Variants in CHRNA7 observed in about 807,000 individuals in gnomAD.
The protein encoded by CHRNA7 is cholinergic receptor nicotinic alpha 7 subunit.
In CHRNA7, 17 loss-of-function variants were observed where a neutral mutation model predicts 48.0. The observed-to-expected ratio is 0.35, with a 90% CI of 0.24 to 0.53. CHRNA7 has a LOEUF of 0.53. Ranked by LOEUF, CHRNA7 falls within the 20% of genes least tolerant of loss-of-function variation. The pLI is 0.92. For missense variants in CHRNA7, 155 were observed against 577.7 expected (o/e 0.27, Z 7.50); for synonymous variants, 75 against 242.3 (o/e 0.31, Z 6.41).
intron 2 of CHRNA7, among the ~76,000 whole-genome samples, chr15:32,094,915 T>C (rs2141250789): frequency 6.6e-6 from 1 of 152,352 alleles, no homozygotes; most frequent in Non-Finnish European, 1.5e-5. Context: ...CCCAAAGTGC[T>C]GGAATTACAG....
intron 2 of CHRNA7, among the ~76,000 whole-genome samples, chr15:32,086,097 C>T (rs941001901): frequency 3.3e-5 from 5 of 152,056 alleles, no homozygotes; most frequent in African/African-American, 9.7e-5. Context: ...TGGCCAGGCA[C>T]GGTGGCTCAC....
chr15:32,094,396 A>G (rs557485422), intron 2 of CHRNA7, among the ~76,000 whole-genome samples: 69 of 152,350 alleles, frequency 4.5e-4, no homozygotes, highest in African/African-American at 1.6e-3. Flanking sequence ...AGATGAGCCA[A>G]TAAAATAACA....
At chr15:32,089,009 G>A (rs78754995) in intron 2 of CHRNA7, among the ~76,000 whole-genome samples, 3,036 of 152,150 alleles carry the variant, frequency 0.02, 99 homozygotes, top group African/African-American at 0.07. Flanking sequence ...CCAAAGTCAC[G>A]TATATTTAAT....
intron 4 of CHRNA7, among the ~76,000 whole-genome samples, chr15:32,143,413 G>T (rs1398789807): frequency 1.3e-5 from 2 of 152,194 alleles, no homozygotes; most frequent in African/African-American, 4.8e-5. Context: ...TTGGGGTGGA[G>T]AGTTCTGTAG....
At chr15:32,054,839 CA>C (rs1417105873) in intron 2 of CHRNA7, among the ~76,000 whole-genome samples, 1 of 152,218 alleles carries the variant, frequency 6.6e-6, no homozygotes, top group Non-Finnish European at 1.5e-5. Context: ...CTTTCAAGAA[CA>C]CTTCAAGGAA....
intron 2 of CHRNA7, among the ~76,000 whole-genome samples, chr15:32,044,810 A>G (rs568473234): frequency 3.9e-5 from 6 of 152,238 alleles, no homozygotes; most frequent in South Asian, 2.1e-4. Context: ...TAAATGACCT[A>G]TAGTGCATAG....
intron 2 of CHRNA7, among the ~76,000 whole-genome samples, chr15:32,038,232 T>C (rs1161259975): frequency 6.7e-6 from 1 of 149,354 alleles, no homozygotes; most frequent in Non-Finnish European, 1.5e-5. Flanking sequence ...ATGAAAAATA[T>C]GTATATACAC....
intron 4 of CHRNA7, chr15:32,112,218 T>C (rs1446568005): frequency 2.0e-6 from 1 of 500,412 alleles, no homozygotes; most frequent in Non-Finnish European, 3.9e-6. Flanking sequence ...AGGCAGTACC[T>C]TTGTTCTCTG....
intron 2 of CHRNA7, among the ~76,000 whole-genome samples, chr15:32,079,144 A>T (rs2050178266): frequency 6.6e-6 from 1 of 152,234 alleles, no homozygotes; most frequent in Non-Finnish European, 1.5e-5. Flanking sequence ...TATTGATGGG[A>T]CATACCTCAA....
intron 2 of CHRNA7, among the ~76,000 whole-genome samples, chr15:32,036,042 A>G (rs1902067558): frequency 6.6e-6 from 1 of 152,228 alleles, no homozygotes. Context: ...GGTATCATAC[A>G]GAGTATTTTT....
chr15:32,118,952 G>A (rs937916185), intron 4 of CHRNA7, among the ~76,000 whole-genome samples: 2 of 151,316 alleles, frequency 1.3e-5, no homozygotes, highest in Non-Finnish European at 2.9e-5. Context: ...CCAGTGCAGG[G>A]GCCCTGTCAA....
intron 4 of CHRNA7, among the ~76,000 whole-genome samples, chr15:32,115,909 G>C (rs977318577): frequency 6.6e-6 from 1 of 152,110 alleles, no homozygotes; most frequent in Non-Finnish European, 1.5e-5. Flanking sequence ...AATCATGTAG[G>C]CAACCTAGAA....
At chr15:32,104,520 G>A (rs8028396) in intron 3 of CHRNA7, among the ~76,000 whole-genome samples, 54,031 of 151,856 alleles carry the variant, frequency 0.36, 10,094 homozygotes, top group East Asian at 0.59. Context: ...GTGTTCACTC[G>A]TCTATCTGTT....
chr15:32,057,433 CACTG>C (rs1015958081), intron 2 of CHRNA7, among the ~76,000 whole-genome samples: 33 of 152,232 alleles, frequency 2.2e-4, no homozygotes, highest in Admixed American at 2.0e-3. Context: ...AAGCCTTCTA[CACTG>C]ACTGATTTTA....
chr15:32,126,774 A>C (rs1488162784), intron 4 of CHRNA7, among the ~76,000 whole-genome samples: 3 of 152,192 alleles, frequency 2.0e-5, no homozygotes, highest in Non-Finnish European at 4.4e-5. Context: ...GAAATGGAAA[A>C]AAAATTATAG....
intron 2 of CHRNA7, among the ~76,000 whole-genome samples, chr15:32,091,724 T>C (rs1204342145): frequency 1.3e-5 from 2 of 152,134 alleles, no homozygotes; most frequent in Non-Finnish European, 2.9e-5. Flanking sequence ...TTGTTTAGGC[T>C]CTCTGTGAAT....
rs2049857867 is a variant in CHRNA7 at position 32,060,296 on chromosome 15, T to TGAA, written c.195+29259_195+29260insGAA. Among the ~76,000 whole-genome samples, 3 of 152,226 alleles carry TGAA rather than the reference T, an allele frequency of 2.0e-5. No homozygotes were observed. The South Asian group carries it at 6.2e-4, about 31-fold the overall frequency. ...AAATGCATTCTAAGATACTTTTCTA[T>TGAA]ATCTATATCATCTATTTATATGTAT... On this transcript the variant is annotated intron_variant, in intron 2 of 9. Transcript: ENST00000306901.
chr15:32,108,637 A>G (rs1419220786), intron 3 of CHRNA7, among the ~76,000 whole-genome samples: 3 of 152,186 alleles, frequency 2.0e-5, no homozygotes, highest in African/African-American at 7.2e-5. Flanking sequence ...GGCACACAGC[A>G]TGAGGTTCCC....
chr15:32,120,923 G>A (rs2141297381), intron 4 of CHRNA7, among the ~76,000 whole-genome samples: 1 of 152,274 alleles, frequency 6.6e-6, no homozygotes, highest in East Asian at 1.9e-4. Context: ...GCTGCCTGAG[G>A]GAGCAGTGCG....
Sources: gnomAD v4.1 joint callset for allele counts (sites outside exome capture counted in the v4.1 genomes callset) on GRCh38, gnomAD v4.1.1 for gene constraint, MANE v1.5 for transcripts, NCBI Gene and HGNC (gene_info 2026-07-23, HGNC 2026-07-21) for gene names.